The following ZFAT variants were observed in gnomAD, a reference collection of about 807,000 sequenced individuals.
ZFAT encodes the protein zinc finger protein ZFAT.
ZFAT carries 64 observed loss-of-function variants against 117.7 expected under a neutral mutation model. The observed-to-expected ratio is 0.54, with a 90% CI of 0.44 to 0.67. ZFAT has a LOEUF of 0.67. Ranked by LOEUF, ZFAT falls within the 30% of genes least tolerant of loss-of-function variation. The probability of loss-of-function intolerance (pLI) is 0.00; values close to 1 mark genes in which losing one functional copy is unlikely to be tolerated. For synonymous variants in ZFAT, 679 were observed against 615.0 expected (o/e 1.10, Z -1.54); for missense variants, 1,433 against 1,584.5 (o/e 0.90, Z 1.62).
intron 12 of ZFAT, among the ~76,000 whole-genome samples, chr8:134,527,776 AT>A (rs763785663): frequency 2.7e-4 from 41 of 152,354 alleles, no homozygotes; most frequent in Non-Finnish European, 5.6e-4. Context: ...AGTGCATTTT[AT>A]TATCAGCCAA....
chr8:134,580,042 C>G (rs1456397143), intron 10 of ZFAT, among the ~76,000 whole-genome samples: 3 of 151,684 alleles, frequency 2.0e-5, no homozygotes, highest in African/African-American at 7.3e-5. Flanking sequence ...AGAACCAGGA[C>G]AGGATGCCGA....
At chr8:134,555,779 C>A (rs6578235) in intron 11 of ZFAT, among the ~76,000 whole-genome samples, 1 of 150,708 alleles carries the variant, frequency 6.6e-6, no homozygotes, top group African/African-American at 2.4e-5. Flanking sequence ...AACAAAAACA[C>A]TGAAGTAACT....
At chr8:134,666,700 A>G (rs1027450884) in intron 1 of ZFAT, among the ~76,000 whole-genome samples, 1 of 152,222 alleles carries the variant, frequency 6.6e-6, no homozygotes, top group African/African-American at 2.4e-5. Context: ...CAGAATGAAA[A>G]GGAGAGAAAA....
At chr8:134,597,696 G>A (rs906832424) in intron 7 of ZFAT, 2 of 152,176 alleles carry the variant, frequency 1.3e-5, no homozygotes, top group Non-Finnish European at 2.9e-5. Flanking sequence ...TGCCCGACAC[G>A]TAGAGGAGGG....
chr8:134,745,161 G>A, the ZFAT span, among the ~76,000 whole-genome samples: 1 of 152,158 alleles, frequency 6.6e-6, no homozygotes, highest in South Asian at 2.1e-4. Context: ...CTAATTGTGG[G>A]AATGAAATCT....
At chr8:134,657,296 T>C (rs1028179919) in intron 2 of ZFAT, among the ~76,000 whole-genome samples, 9 of 152,240 alleles carry the variant, frequency 5.9e-5, no homozygotes, top group Admixed American at 5.9e-4. Flanking sequence ...AAACCCACAC[T>C]TGTCTGACAA....
At chr8:134,617,147 G>A (rs1465146968) in intron 3 of ZFAT, among the ~76,000 whole-genome samples, 5 of 152,140 alleles carry the variant, frequency 3.3e-5, no homozygotes, top group African/African-American at 7.2e-5. Context: ...TAAGTTAGTC[G>A]TCAGAGGCAA....
chr8:134,485,081 C>T (rs953406488), intron 15 of ZFAT, among the ~76,000 whole-genome samples: 1 of 152,168 alleles, frequency 6.6e-6, no homozygotes, highest in Admixed American at 6.5e-5. Context: ...GAAGAGTCTA[C>T]GTGTATTAGG....
At chr8:134,667,583 A>G (rs1832298764) in intron 1 of ZFAT, among the ~76,000 whole-genome samples, 1 of 151,212 alleles carries the variant, frequency 6.6e-6, no homozygotes, top group Admixed American at 6.6e-5. Context: ...TGTTCTACAC[A>G]TGTATCCAAG....
At chr8:134,482,075 G>A (rs1210960021) in intron 15 of ZFAT, among the ~76,000 whole-genome samples, 1 of 152,118 alleles carries the variant, frequency 6.6e-6, no homozygotes, top group Non-Finnish European at 1.5e-5. Flanking sequence ...TCTGTTCCGC[G>A]CCCTCTCCCA....
At chr8:134,502,398 C>A (rs1465427025) in intron 15 of ZFAT, among the ~76,000 whole-genome samples, 2 of 152,256 alleles carry the variant, frequency 1.3e-5, no homozygotes, top group East Asian at 3.8e-4. Flanking sequence ...TGCAAACAGG[C>A]AACTGGTGTA....
chr8:134,729,071 T>C, the ZFAT span, among the ~76,000 whole-genome samples: 1 of 152,262 alleles, frequency 6.6e-6, no homozygotes, highest in East Asian at 1.9e-4. Context: ...CAGGAAAGAA[T>C]GCATATCTTT....
chr8:134,505,035 T>A (rs1404942353), intron 15 of ZFAT, among the ~76,000 whole-genome samples: 1 of 152,186 alleles, frequency 6.6e-6, no homozygotes, highest in East Asian at 1.9e-4. Flanking sequence ...GAAGCATTCA[T>A]CACTCTCGAT....
rs1814079394 is a variant in ZFAT, at chr8:134,712,906, C to T, written c.-43G>A. 2.0e-6 allele frequency: 3 copies of T among 1,474,424 alleles called. No homozygotes were observed. The highest frequency in any genetic ancestry group is 1.5e-5 in the African/African-American group (1 of 67,750). The allele number at this position is 1,474,424 out of a possible 1,614,324, so 91.3% of individuals were successfully genotyped here. ...GAGGAAAAAAAAGCCTCGGGCTCTT[C>T]CGGGCCCCCTCCCGTGCCGACCGAG... On this transcript the variant is annotated 5_prime_UTR_variant, in exon 1 of 16. Coordinates refer to ENST00000377838, the MANE Select transcript of ZFAT (RefSeq NM_020863.4).
intron 4 of ZFAT, among the ~76,000 whole-genome samples, chr8:134,609,840 T>G (rs1028819063): frequency 2.0e-5 from 3 of 152,206 alleles, no homozygotes; most frequent in African/African-American, 7.2e-5. Flanking sequence ...AGTATTATAT[T>G]TGGTGAACCC....
the ZFAT span, among the ~76,000 whole-genome samples, chr8:134,815,552 G>A: frequency 2.0e-5 from 3 of 152,138 alleles, no homozygotes; most frequent in Admixed American, 1.3e-4. Context: ...TCTGCACCTA[G>A]AATAAAATCC....
chr8:134,687,530 A>C (rs1833381272), intron 1 of ZFAT, among the ~76,000 whole-genome samples: 1 of 152,192 alleles, frequency 6.6e-6, no homozygotes, highest in African/African-American at 2.4e-5. Flanking sequence ...TGTGGCCCTC[A>C]GGAAAGCACC....
intron 1 of ZFAT, chr8:134,696,704 A>C: frequency 1.2e-5 from 9 of 762,042 alleles, no homozygotes; most frequent in Non-Finnish European, 1.3e-5. Flanking sequence ...ACATGACACC[A>C]TCCACAGACC....
intron 3 of ZFAT, among the ~76,000 whole-genome samples, chr8:134,615,163 T>C (rs1828626301): frequency 6.6e-6 from 1 of 152,066 alleles, no homozygotes; most frequent in Admixed American, 6.5e-5. Context: ...GGCCCAAACG[T>C]GACTCTGGCA....
Sources: gnomAD v4.1 joint callset for allele counts (sites outside exome capture counted in the v4.1 genomes callset) on GRCh38, gnomAD v4.1.1 for gene constraint, MANE v1.5 for transcripts, NCBI Gene and HGNC (gene_info 2026-07-23, HGNC 2026-07-21) for gene names.